FARS2: variants seen among roughly 807,000 people sequenced by gnomAD.
FARS2 encodes phenylalanine--tRNA ligase, mitochondrial.
In FARS2, 40 loss-of-function variants were observed where a neutral mutation model predicts 46.4. The ratio of observed to expected loss-of-function variants is 0.86; its 90% CI spans 0.67 to 1.12. The LOEUF is 1.12. Ranked by LOEUF, FARS2 falls within the 50% of genes most tolerant of loss-of-function variation. The probability of loss-of-function intolerance (pLI) is 0.00; values close to 1 mark genes in which losing one functional copy is unlikely to be tolerated. For missense variants in FARS2, 513 were observed against 567.9 expected (o/e 0.90, Z 0.98); for synonymous variants, 234 against 214.9 (o/e 1.09, Z -0.78).
At chr6:5,767,941 A>G (rs1228018638) in intron 6 of FARS2, among the ~76,000 whole-genome samples, 2 of 152,142 alleles carry the variant, frequency 1.3e-5, no homozygotes, top group African/African-American at 2.4e-5. Flanking sequence ...CACTTGAGGA[A>G]TCAATTTTCT....
intron 1 of FARS2, among the ~76,000 whole-genome samples, chr6:5,341,702 A>G (rs572215840): frequency 6.6e-6 from 1 of 152,048 alleles, no homozygotes; most frequent in Admixed American, 6.6e-5. Flanking sequence ...TATTTTTAGT[A>G]GAGATGGGGT....
At chr6:5,313,924 T>TTGTATGGTATGTAG (rs1769265510) in intron 1 of FARS2, among the ~76,000 whole-genome samples, 1 of 152,164 alleles carries the variant, frequency 6.6e-6, no homozygotes, top group Admixed American at 6.5e-5. Context: ...GCCCCAGACA[T>TTGTATGGTATGTAG]TGTGACCTAA....
intron 6 of FARS2, among the ~76,000 whole-genome samples, chr6:5,619,806 C>T (rs554919100): frequency 7.2e-5 from 11 of 152,196 alleles, no homozygotes; most frequent in African/African-American, 2.4e-4. Flanking sequence ...ATTCTCCTTC[C>T]TGTCTCCCTC....
chr6:5,321,022 C>A (rs554700964), intron 1 of FARS2, among the ~76,000 whole-genome samples: 3 of 152,300 alleles, frequency 2.0e-5, no homozygotes, highest in South Asian at 2.1e-4. Context: ...ACATAAGATT[C>A]ATCTCTCAAC....
chr6:5,457,997 C>G (rs1478151377), intron 4 of FARS2: 1 of 152,196 alleles, frequency 6.6e-6, no homozygotes, highest in African/African-American at 2.4e-5. Flanking sequence ...TGATTGAGGG[C>G]GGAGATGAGA....
chr6:5,561,725 T>G (rs1460422232), intron 5 of FARS2, among the ~76,000 whole-genome samples: 1 of 152,096 alleles, frequency 6.6e-6, no homozygotes, highest in Non-Finnish European at 1.5e-5. Context: ...GTCTGAGTTA[T>G]TACTCTCCTT....
At chr6:5,336,453 G>T (rs979718742) in intron 1 of FARS2, among the ~76,000 whole-genome samples, 2 of 151,396 alleles carry the variant, frequency 1.3e-5, no homozygotes, top group African/African-American at 4.9e-5. Flanking sequence ...TAAACCTATG[G>T]TCAGATAACC....
intron 1 of FARS2, among the ~76,000 whole-genome samples, chr6:5,287,826 C>T (rs1331338502): frequency 6.6e-6 from 1 of 152,114 alleles, no homozygotes; most frequent in Admixed American, 6.5e-5. Context: ...CATGTGGCTC[C>T]AGTTGTTTTT....
At chr6:5,271,191 A>G (rs1193392048) in intron 1 of FARS2, among the ~76,000 whole-genome samples, 2 of 151,992 alleles carry the variant, frequency 1.3e-5, no homozygotes, top group African/African-American at 4.8e-5. Flanking sequence ...TCTAACGTAA[A>G]TTTTATCGTC....
chr6:5,510,651 A>G (rs1768392236), intron 4 of FARS2, among the ~76,000 whole-genome samples: 1 of 152,128 alleles, frequency 6.6e-6, no homozygotes. Context: ...GAGCTAGCAC[A>G]CTCACCAGCG....
chr6:5,356,996 T>C (rs1757975895), intron 1 of FARS2, among the ~76,000 whole-genome samples: 1 of 152,034 alleles, frequency 6.6e-6, no homozygotes, highest in Non-Finnish European at 1.5e-5. Flanking sequence ...TGGGGCTGTT[T>C]GGGGTTAATG....
At chr6:5,512,203 G>A (rs79405659) in intron 4 of FARS2, among the ~76,000 whole-genome samples, 2,744 of 152,162 alleles carry the variant, frequency 0.018, 106 homozygotes, top group African/African-American at 0.062. Flanking sequence ...TAGGAGGCCC[G>A]GGGGGTGGGC....
intron 1 of FARS2, among the ~76,000 whole-genome samples, chr6:5,354,241 A>T (rs1757771212): frequency 6.6e-6 from 1 of 152,034 alleles, no homozygotes; most frequent in African/African-American, 2.4e-5. Flanking sequence ...TCATGAGCTT[A>T]ATTATTTTGC....
chr6:5,606,685 A>G (rs1774857581), intron 5 of FARS2, among the ~76,000 whole-genome samples: 1 of 152,170 alleles, frequency 6.6e-6, no homozygotes, highest in African/African-American at 2.4e-5. Context: ...TACTCAGCAC[A>G]GAGGTGGCGT....
intron 6 of FARS2, among the ~76,000 whole-genome samples, chr6:5,711,043 C>T (rs1759114129): frequency 6.6e-6 from 1 of 151,920 alleles, no homozygotes; most frequent in Non-Finnish European, 1.5e-5. Context: ...AATATATAAG[C>T]CAATAGTTAA....
chr6:5,638,939 G>A (rs1776675604), intron 6 of FARS2, among the ~76,000 whole-genome samples: 1 of 152,210 alleles, frequency 6.6e-6, no homozygotes, highest in African/African-American at 2.4e-5. Context: ...GAGGTGGCAG[G>A]CACTCTAAAG....
At chr6:5,638,336 G>A (rs1233021118) in intron 6 of FARS2, among the ~76,000 whole-genome samples, 2 of 152,184 alleles carry the variant, frequency 1.3e-5, no homozygotes, top group Non-Finnish European at 2.9e-5. Context: ...AGGCCGAGGC[G>A]GGTGGATCAC....
chr6:5,649,648 G>A (rs1484695915), intron 6 of FARS2, among the ~76,000 whole-genome samples: 1 of 152,202 alleles, frequency 6.6e-6, no homozygotes, highest in Admixed American at 6.5e-5. Flanking sequence ...GAATACTGCA[G>A]CTATTACCAT....
intron 1 of FARS2, among the ~76,000 whole-genome samples, chr6:5,310,013 A>G (rs1024682593): frequency 6.6e-6 from 1 of 152,238 alleles, no homozygotes; most frequent in Non-Finnish European, 1.5e-5. Flanking sequence ...CTACAGAAAA[A>G]GAAAAAGGCA....
Sources: gnomAD v4.1 joint callset for allele counts (sites outside exome capture counted in the v4.1 genomes callset) on GRCh38, gnomAD v4.1.1 for gene constraint, MANE v1.5 for transcripts, NCBI Gene and HGNC (gene_info 2026-07-23, HGNC 2026-07-21) for gene names.